PDE1C: variants seen among roughly 807,000 people sequenced by gnomAD.
PDE1C encodes dual specificity calcium/calmodulin-dependent 3',5'-cyclic nucleotide phosphodiesterase 1C.
In PDE1C, 62 loss-of-function variants were observed where a neutral mutation model predicts 93.1. That is an observed-to-expected ratio of 0.67 (90% CI 0.54 to 0.82). PDE1C has a LOEUF of 0.82. Among genes scored for constraint, PDE1C ranks in the 40% least tolerant of loss-of-function variants. PDE1C has a pLI of 0.00. For synonymous variants in PDE1C, 325 were observed against 310.1 expected (o/e 1.05, Z -0.50); for missense variants, 742 against 884.6 (o/e 0.84, Z 2.04).
chr7:32,118,382 G>C (rs1004118194), intron 3 of PDE1C, among the ~76,000 whole-genome samples: 3 of 152,138 alleles, frequency 2.0e-5, no homozygotes, highest in Non-Finnish European at 2.9e-5. Flanking sequence ...AGAGGAAAAA[G>C]CCCCAATAAA....
chr7:32,387,574 C>T (rs1784656232), intron 1 of PDE1C, among the ~76,000 whole-genome samples: 1 of 148,062 alleles, frequency 6.8e-6, no homozygotes, highest in Non-Finnish European at 1.5e-5. Flanking sequence ...CCAGTAGGGG[C>T]GGCCGGGCAG....
Position 32,374,160 on chromosome 7 carries a change from G to GAA in PDE1C, c.310+53661_310+53662insTT, listed in dbSNP as rs1256045385. ...GAGACGAAAGAATGAAAGAAAGAAA[G>GAA]AGAAAGAAAGAAAGAAAGAAAGAAA... On this transcript the variant is annotated intron_variant, in intron 1 of 1. Coordinates refer to the PDE1C transcript ENST00000672256. Among the ~76,000 whole-genome samples the GAA allele has an allele frequency of 5.8e-3, 224 of 38,898 alleles. 2 individuals are homozygous for GAA. Among genetic ancestry groups the GAA allele is most frequent in the African/African-American group, 0.028 (211 of 7,622 alleles). The allele number at this position is 38,898 out of a possible 152,430, so 25.5% of individuals were successfully genotyped here.
chr7:31,962,198 C>T (rs186676961), intron 2 of PDE1C, among the ~76,000 whole-genome samples: 2 of 152,276 alleles, frequency 1.3e-5, no homozygotes, highest in Admixed American at 1.3e-4. Context: ...CAAACCAGTA[C>T]CAATGAGAGA....
At chr7:32,310,026 C>A (rs1196097879) in intron 1 of PDE1C, among the ~76,000 whole-genome samples, 1 of 152,058 alleles carries the variant, frequency 6.6e-6, no homozygotes, top group Non-Finnish European at 1.5e-5. Context: ...CAGAGACACA[C>A]ATAGGCTCAA....
chr7:32,082,594 G>A (rs1379109164), intron 3 of PDE1C, among the ~76,000 whole-genome samples: 2 of 152,212 alleles, frequency 1.3e-5, no homozygotes, highest in Non-Finnish European at 2.9e-5. Context: ...CTAACTGGGA[G>A]GCACCCCCCA....
chr7:32,377,828 G>A (rs1467834771), intron 1 of PDE1C, among the ~76,000 whole-genome samples: 1 of 151,994 alleles, frequency 6.6e-6, no homozygotes, highest in Non-Finnish European at 1.5e-5. Flanking sequence ...CTATTGCCTC[G>A]CACCAAGCAA....
At chr7:31,894,043 T>C (rs17160653) in intron 2 of PDE1C, among the ~76,000 whole-genome samples, 12,649 of 152,264 alleles carry the variant, frequency 0.083, 628 homozygotes, top group Middle Eastern at 0.17. Flanking sequence ...CAATGAGCTT[T>C]ATTGAGCTTT....
chr7:31,776,761 C>T (rs527622683), intron 16 of PDE1C, among the ~76,000 whole-genome samples: 1 of 152,030 alleles, frequency 6.6e-6, no homozygotes, highest in Non-Finnish European at 1.5e-5. Flanking sequence ...TCTAGCAACA[C>T]GGCAGATGCC....
chr7:32,390,385 T>C (rs1007682174), intron 1 of PDE1C, among the ~76,000 whole-genome samples: 2 of 152,024 alleles, frequency 1.3e-5, no homozygotes, highest in African/African-American at 2.4e-5. Context: ...TTTACGGTTG[T>C]CACAACCTGG....
Position 31,928,828 on chromosome 7 carries a change from A to T in PDE1C, c.129-47968T>A, listed in dbSNP as rs370298025. On this transcript the variant is annotated intron_variant, in intron 2 of 17. Coordinates refer to ENST00000396191, the MANE Select transcript of PDE1C (RefSeq NM_001191057.4). ...AAAACTGGTACCAGCCACTGCAAAA[A>T]CATACCAAATTATAAAGACCAATGA... Among the ~76,000 whole-genome samples, 548 of 152,326 alleles carry T rather than the reference A, an allele frequency of 3.6e-3. 2 individuals are homozygous for T. The highest frequency in any genetic ancestry group is 0.012 in the African/African-American group (504 of 41,578).
upstream of PDE1C, among the ~76,000 whole-genome samples, chr7:32,300,056 C>T (rs996768075): frequency 6.6e-6 from 1 of 152,070 alleles, no homozygotes; most frequent in Non-Finnish European, 1.5e-5. Context: ...GGTAATGGCT[C>T]CACATATCTT....
At chr7:31,769,146 T>C (rs1248567914) in intron 17 of PDE1C, among the ~76,000 whole-genome samples, 1 of 152,162 alleles carries the variant, frequency 6.6e-6, no homozygotes, top group Non-Finnish European at 1.5e-5. Context: ...ATTATCATTG[T>C]ATACCTGAAA....
the PDE1C span, among the ~76,000 whole-genome samples, chr7:31,661,335 T>C: frequency 6.6e-6 from 1 of 152,208 alleles, no homozygotes; most frequent in Non-Finnish European, 1.5e-5. Context: ...TGCAAAGCTA[T>C]TGACTGCTAC....
the PDE1C span, chr7:31,643,556 G>A: frequency 6.2e-7 from 1 of 1,614,020 alleles, no homozygotes. Flanking sequence ...TTGGGGACTG[G>A]TCCCAGAGGA....
At chr7:32,390,265 T>C (rs1404210686) in intron 1 of PDE1C, among the ~76,000 whole-genome samples, 1 of 152,100 alleles carries the variant, frequency 6.6e-6, no homozygotes, top group East Asian at 1.9e-4. Context: ...TTAATATTAA[T>C]ATCAAGTAGA....
chr7:31,785,861 A>G (rs1408874296), intron 16 of PDE1C: 3 of 152,138 alleles, frequency 2.0e-5, no homozygotes, highest in Non-Finnish European at 4.4e-5. Flanking sequence ...GGCAGGTAAT[A>G]TGTCTCTTGA....
intron 3 of PDE1C, among the ~76,000 whole-genome samples, chr7:32,079,153 G>A (rs1584716542): frequency 1.3e-5 from 2 of 152,296 alleles, no homozygotes; most frequent in East Asian, 3.9e-4. Context: ...ACAAATAAAT[G>A]CTGGAACCTT....
intron 1 of PDE1C, among the ~76,000 whole-genome samples, chr7:32,269,989 C>T (rs925234301): frequency 6.6e-6 from 1 of 151,304 alleles, no homozygotes; most frequent in Non-Finnish European, 1.5e-5. Flanking sequence ...TTGACTAGGC[C>T]AGTCTCAAAC....
chr7:31,886,121 T>G (rs182782589), intron 2 of PDE1C, among the ~76,000 whole-genome samples: 1 of 152,316 alleles, frequency 6.6e-6, no homozygotes, highest in East Asian at 1.9e-4. Flanking sequence ...TTTCTCTACA[T>G]GTCCCAATGG....
Sources: allele counts gnomAD v4.1 joint callset (sites outside exome capture counted in the v4.1 genomes callset), GRCh38; gene constraint gnomAD v4.1.1; transcripts MANE v1.5; gene names NCBI Gene and HGNC (gene_info 2026-07-23, HGNC 2026-07-21).